Variants in FRMD4A observed in about 807,000 individuals in gnomAD.
FRMD4A encodes FERM domain-containing protein 4A.
Under a neutral mutation model 129.1 loss-of-function variants are expected in FRMD4A, and 29 were observed. The observed-to-expected ratio is 0.22, with a 90% CI of 0.17 to 0.31. The LOEUF (loss-of-function observed/expected upper bound fraction) is 0.31. FRMD4A is among the 10% of genes least tolerant of loss of function. FRMD4A has a pLI of 1.00. For missense variants in FRMD4A, 1,272 were observed against 1,375.8 expected, an observed-to-expected ratio of 0.92 and a Z score of 1.19; for synonymous variants, 634 against 571.6, an observed-to-expected ratio of 1.11 and a Z score of -1.56.
intron 2 of FRMD4A, among the ~76,000 whole-genome samples, chr10:13,967,254 G>A (rs946054412): frequency 3.3e-5 from 5 of 152,122 alleles, no homozygotes; most frequent in African/African-American, 1.2e-4. Context: ...GGGGAATGGC[G>A]TGAACCCGGG....
intron 2 of FRMD4A, among the ~76,000 whole-genome samples, chr10:14,046,857 C>T (rs1418337242): frequency 1.3e-5 from 2 of 152,132 alleles, no homozygotes; most frequent in Non-Finnish European, 2.9e-5. Flanking sequence ...ATATAAAATT[C>T]CCATCCAGTG....
intron 2 of FRMD4A, among the ~76,000 whole-genome samples, chr10:13,926,347 A>AC (rs1208567006): frequency 6.6e-6 from 1 of 152,014 alleles, no homozygotes; most frequent in East Asian, 1.9e-4. Context: ...TTGTTTCTGG[A>AC]CCCCTTAAGG....
At chr10:13,658,228 A>G (rs1367579859) in intron 21 of FRMD4A, among the ~76,000 whole-genome samples, 3 of 151,908 alleles carry the variant, frequency 2.0e-5, no homozygotes, top group East Asian at 3.9e-4. Context: ...GGCCCTTCAT[A>G]TTGTTTAACC....
intron 2 of FRMD4A, among the ~76,000 whole-genome samples, chr10:13,877,898 T>C (rs1202612461): frequency 6.6e-6 from 1 of 152,066 alleles, no homozygotes; most frequent in Non-Finnish European, 1.5e-5. Context: ...CTGCTCCCCA[T>C]GTAAGCCTGG....
intron 3 of FRMD4A, among the ~76,000 whole-genome samples, chr10:13,850,644 G>A (rs1303909416): frequency 6.6e-6 from 1 of 152,212 alleles, no homozygotes. Context: ...CATCGTTTAT[G>A]GCTCTGGTGT....
intron 9 of FRMD4A, among the ~76,000 whole-genome samples, chr10:13,744,849 C>T (rs1353848520): frequency 6.6e-6 from 1 of 152,220 alleles, no homozygotes; most frequent in Non-Finnish European, 1.5e-5. Context: ...AGTGAACAAG[C>T]TGTGTGCACC....
chr10:13,905,176 C>T (rs915658736), intron 2 of FRMD4A, among the ~76,000 whole-genome samples: 2 of 151,950 alleles, frequency 1.3e-5, no homozygotes, highest in Admixed American at 1.3e-4. Flanking sequence ...TTTGGGGATA[C>T]CTGCAATGCA....
intron 9 of FRMD4A, among the ~76,000 whole-genome samples, chr10:13,746,901 T>C (rs2091320367): frequency 6.6e-6 from 1 of 152,196 alleles, no homozygotes; most frequent in South Asian, 2.1e-4. Flanking sequence ...GCTTGAATCA[T>C]TCAGAATCAG....
chr10:14,110,125 T>TTAAAAAA (rs372420987), intron 2 of FRMD4A, among the ~76,000 whole-genome samples: 1,676 of 89,466 alleles, frequency 0.019, 364 homozygotes, highest in African/African-American at 0.07. Flanking sequence ...CGAGATGCTG[T>TTAAAAAA]AAAAAAAAAA....
At chr10:13,768,977 T>C (rs962337943) in intron 6 of FRMD4A, among the ~76,000 whole-genome samples, 7 of 145,308 alleles carry the variant, frequency 4.8e-5, no homozygotes, top group African/African-American at 1.5e-4. Flanking sequence ...TATAGGAAAC[T>C]TTACTAGATT....
At chr10:14,058,926 T>G (rs1322860556) in intron 2 of FRMD4A, among the ~76,000 whole-genome samples, 1 of 94,384 alleles carries the variant, frequency 1.1e-5, no homozygotes, top group Non-Finnish European at 2.5e-5. Context: ...TAGAAGGTGG[T>G]GGGATGATCA....
chr10:14,297,660 C>G (rs145432059), intron 2 of FRMD4A, among the ~76,000 whole-genome samples: 3 of 152,166 alleles, frequency 2.0e-5, no homozygotes, highest in African/African-American at 7.2e-5. Context: ...ACCTACTCTA[C>G]GTTAACCACT....
At chr10:13,832,053 T>C (rs970300084) in intron 3 of FRMD4A, among the ~76,000 whole-genome samples, 2 of 152,164 alleles carry the variant, frequency 1.3e-5, no homozygotes, top group African/African-American at 4.8e-5. Context: ...AACCCTGGCC[T>C]GGACTTCCAT....
At chr10:13,874,041 G>GA in intron 2 of FRMD4A, among the ~76,000 whole-genome samples, 1 of 150,300 alleles carries the variant, frequency 6.7e-6, no homozygotes, top group East Asian at 2.0e-4. Flanking sequence ...GAGGTCAGGA[G>GA]TTGAGACCAG....
chr10:13,651,048 T>G (rs1441842741), intron 24 of FRMD4A: 1 of 152,258 alleles, frequency 6.6e-6, no homozygotes, highest in African/African-American at 2.4e-5. Context: ...CCAGTTAGAC[T>G]GTAAGGGTCC....
intron 2 of FRMD4A, among the ~76,000 whole-genome samples, chr10:14,177,238 C>G (rs767543075): frequency 6.6e-6 from 1 of 151,210 alleles, no homozygotes; most frequent in East Asian, 1.9e-4. Context: ...CGCTCTGTTG[C>G]CCGGGCTGGA....
intron 13 of FRMD4A, 138 bp from the exon 14 acceptor site, chr10:13,701,616 T>A: frequency 1.4e-6 from 1 of 702,914 alleles, no homozygotes; most frequent in Non-Finnish European, 2.4e-6. Context: ...CACATACACC[T>A]AGGCGTACAC....
intron 2 of FRMD4A, among the ~76,000 whole-genome samples, chr10:14,280,982 ATTTTTTTTTT>A (rs772555677): frequency 0.016 from 1,203 of 76,606 alleles, 26 homozygotes; most frequent in African/African-American, 0.061. Context: ...ACTGGTTTCA[ATTTTTTTTTT>A]TTTTTTTTTT....
intron 2 of FRMD4A, among the ~76,000 whole-genome samples, chr10:14,010,834 T>C (rs1205036550): frequency 1.3e-5 from 2 of 152,076 alleles, no homozygotes; most frequent in Non-Finnish European, 2.9e-5. Flanking sequence ...ATTGTTAGAA[T>C]ACAAATATGT....
Sources: allele counts gnomAD v4.1 joint callset (sites outside exome capture counted in the v4.1 genomes callset), GRCh38; gene constraint gnomAD v4.1.1; transcripts MANE v1.5; gene names NCBI Gene and HGNC (gene_info 2026-07-23, HGNC 2026-07-21).